The following DNAH12 variants were observed in gnomAD, a reference collection of about 807,000 sequenced individuals.
DNAH12 encodes the protein axonemal beta dynein heavy chain 12.
Under a neutral mutation model 371.5 loss-of-function variants are expected in DNAH12, and 285 were observed. The ratio of observed to expected loss-of-function variants is 0.77; its 90% CI spans 0.70 to 0.85. The LOEUF (loss-of-function observed/expected upper bound fraction) is 0.85, where lower values mean the gene tolerates loss of function less well. Ranked by LOEUF, DNAH12 falls within the 40% of genes least tolerant of loss-of-function variation. The pLI is 0.00. For synonymous variants in DNAH12, 1,200 were observed against 1,213.0 expected (o/e 0.99, Z 0.22); for missense variants, 3,611 against 3,689.4 (o/e 0.98, Z 0.55).
chr3:57,398,214 G>A (rs963258072), intron 43 of DNAH12, among the ~76,000 whole-genome samples: 81 of 152,128 alleles, frequency 5.3e-4, no homozygotes, highest in African/African-American at 1.7e-3. Context: ...AAAACAAGTC[G>A]TTGGAAATCA....
At position 57,489,509 on chromosome 3, in the gene DNAH12, C is replaced by G; in HGVS notation, c.1514G>C (p.Cys505Ser). ...IASKYRKENE[C>S]ICSEFEAIKE... ...GAGCTTGGGAATTAATTCTACTTACCATTCATTTTCTTTTCTATATTTTGA... is the reference window on the plus strand; with the variant it reads ...GAGCTTGGGAATTAATTCTACTTACGATTCATTTTCTTTTCTATATTTTGA... Residue 505 changes from cysteine (C) to serine (S), a missense_variant and splice_region_variant, in exon 12 of 74, where the codon TGT becomes TCT. Physicochemically the swap from Cys to Ser is moderately radical, Grantham distance 112. This residue lies in a region of DNAH12 where 1,314 missense variants were observed against 1,398.7 expected (regional missense o/e 0.94). Coordinates refer to ENST00000495027, the MANE Select transcript of DNAH12 (RefSeq NM_001366028.2). The G allele has an allele frequency of 3.3e-6, 5 of 1,497,788 alleles. No individual in the cohort carries two copies. In the Admixed American group the frequency reaches 8.1e-5, roughly 24 times the overall value. 92.8% of individuals were successfully genotyped at this position (1,497,788 alleles called of 1,614,324 possible).
At chr3:57,415,338 A>G in intron 38 of DNAH12, 88 bp downstream of exon 38, 1 of 1,453,450 alleles carries the variant, frequency 6.9e-7, no homozygotes, top group Non-Finnish European at 9.2e-7. Context: ...AGATTTACAC[A>G]GTTGCTTATT....
At chr3:57,531,157 T>C (rs1007032194) in intron 2 of DNAH12, among the ~76,000 whole-genome samples, 1 of 152,236 alleles carries the variant, frequency 6.6e-6, no homozygotes, top group Non-Finnish European at 1.5e-5. Context: ...ATTAACATCC[T>C]TTTCTTTCTG....
chr3:57,470,468 A>T lies in DNAH12; in HGVS notation c.2080T>A (p.Leu694Met). Reference protein sequence around the residue: ...EPYQKFFNFVLKWQRSEKRWM... With the variant: ...EPYQKFFNFVMKWQRSEKRWM... ...CGTTTTTCTGATCGCTGCCACTTCA[A>T]AACAAAATTAAAAAACTTCTGATAG... Residue 694 changes from leucine to methionine, a missense_variant, in exon 16 of 74, where the codon TTG becomes ATG. Physicochemically the swap from Leu to Met is conservative, Grantham distance 15 (BLOSUM62 2). Coordinates refer to ENST00000495027, the MANE Select transcript of DNAH12 (RefSeq NM_001366028.2). 1 of 1,531,378 alleles carries T rather than the reference A, an allele frequency of 6.5e-7. No homozygotes were observed. Among genetic ancestry groups the T allele is most frequent in the Non-Finnish European group, 8.8e-7 (1 of 1,140,246 alleles). 94.9% of individuals were successfully genotyped at this position (1,531,378 alleles called of 1,614,324 possible).
intron 43 of DNAH12, among the ~76,000 whole-genome samples, chr3:57,398,226 C>T (rs990739183): frequency 2.0e-5 from 3 of 151,754 alleles, no homozygotes; most frequent in Admixed American, 6.6e-5. Flanking sequence ...TGGAAATCAC[C>T]GGGTTAATGG....
Position 57,433,808 on chromosome 3 carries a change from G to A in DNAH12, c.4676C>T (p.Pro1559Leu), listed in dbSNP as rs2065026897. The A allele has an allele frequency of 6.5e-7, 1 of 1,545,540 alleles. No homozygotes were observed. Among genetic ancestry groups the A allele is most frequent in the African/African-American group, 1.4e-5 (1 of 72,824 alleles). ...CAGAACTTTTGTCTTAGCAGCAAAA[G>A]GCTCTCCTACTAACATAAAACTATG... ...VRHGFMLVGE[P>L]FAAKTKVLHV... The change falls in exon 31 of 74, where the codon CCT becomes CTT. Residue 1559 changes from proline (P) to leucine (L), a missense_variant. Pro to Leu is a moderately conservative substitution (Grantham distance 98, BLOSUM62 -3). Transcript: ENST00000495027.
At chr3:57,553,828 CTTT>C in the DNAH12 span, among the ~76,000 whole-genome samples, 1 of 142,214 alleles carries the variant, frequency 7.0e-6, no homozygotes, top group Non-Finnish European at 1.5e-5. Flanking sequence ...GAAGATATTT[CTTT>C]TTTTTTTTTT....
chr3:57,478,415 G>C (rs540440283), intron 13 of DNAH12, among the ~76,000 whole-genome samples: 3 of 152,134 alleles, frequency 2.0e-5, no homozygotes, highest in African/African-American at 4.8e-5. Flanking sequence ...CAAGAAATAT[G>C]GGACTATGTG....
chr3:57,365,864 T>C (rs958396599), intron 57 of DNAH12, among the ~76,000 whole-genome samples: 13 of 150,032 alleles, frequency 8.7e-5, no homozygotes, highest in South Asian at 2.1e-4. Context: ...TGTGTACACA[T>C]ATATATATAT....
At chr3:57,303,333 C>T (rs1197182333) in intron 69 of DNAH12, among the ~76,000 whole-genome samples, 1 of 128,892 alleles carries the variant, frequency 7.8e-6, no homozygotes, top group African/African-American at 3.1e-5. Context: ...AGCAAAGACG[C>T]CAGCTCAAAA....
Position 57,310,758 on chromosome 3 carries a change from G to A in DNAH12, c.10855C>T (p.Pro3619Ser), listed in dbSNP as rs2061566894. ...TAGTCCTCATAAGTGCCTTTAGGAG[G>A]TGCAAAATAGTTTCCACTGGGAGAA... ...KFSPSGNYFAPPKGTYEDYIE... is the reference protein window; with the variant it reads ...KFSPSGNYFASPKGTYEDYIE... The change falls in exon 67 of 74, where the codon CCT becomes TCT. Residue 3619 changes from proline (P) to serine (S), a missense_variant. This residue lies in a region of DNAH12 where 2,266 missense variants were observed against 2,236.9 expected (regional missense o/e 1.01). Transcript: ENST00000495027. 4 of 1,551,590 alleles carry A rather than the reference G, an allele frequency of 2.6e-6. No individual in the cohort carries two copies. The South Asian group carries it at 4.8e-5, about 18-fold the overall frequency.
At chr3:57,421,900 G>C (rs1448519915) in intron 35 of DNAH12, among the ~76,000 whole-genome samples, 194 bp from the exon 36 acceptor site, 1 of 97,718 alleles carries the variant, frequency 1.0e-5, no homozygotes, top group East Asian at 2.0e-4. Context: ...ATGTTTGCAT[G>C]TCTTTTTTTT....
At chr3:57,328,984 C>T (rs1179887566) in intron 62 of DNAH12, among the ~76,000 whole-genome samples, 5 of 142,644 alleles carry the variant, frequency 3.5e-5, no homozygotes, top group Non-Finnish European at 6.0e-5. Context: ...GAATAAAATA[C>T]CTAGGAATCC....
the DNAH12 span, among the ~76,000 whole-genome samples, chr3:57,551,164 C>A: frequency 1.3e-5 from 2 of 151,960 alleles, no homozygotes; most frequent in South Asian, 4.2e-4. Flanking sequence ...CCGTGCCCAG[C>A]CAAAACAAAA....
At chr3:57,407,544 T>C (rs1193794438) in intron 40 of DNAH12, among the ~76,000 whole-genome samples, 16 of 152,288 alleles carry the variant, frequency 1.1e-4, no homozygotes, top group Admixed American at 5.9e-4. Context: ...GATGGAAGGA[T>C]TCTAGGGAGT....
intron 11 of DNAH12, among the ~76,000 whole-genome samples, chr3:57,495,561 G>A (rs1437746072): frequency 7.1e-6 from 1 of 140,268 alleles, no homozygotes; most frequent in Non-Finnish European, 1.5e-5. Context: ...TCTAGCCTGG[G>A]CGACAAGAGT....
intron 65 of DNAH12, among the ~76,000 whole-genome samples, chr3:57,315,868 C>T (rs541324777): frequency 6.6e-6 from 1 of 152,220 alleles, no homozygotes. Flanking sequence ...GCGAAGAAGG[C>T]TCCTGTTGCA....
At chr3:57,317,795 T>G (rs2061718762) in intron 65 of DNAH12, among the ~76,000 whole-genome samples, 1 of 152,190 alleles carries the variant, frequency 6.6e-6, no homozygotes, top group Non-Finnish European at 1.5e-5. Flanking sequence ...CAACAGTGTA[T>G]GAGGGCTCCA....
chr3:57,459,222 G>A (rs1559683906), intron 20 of DNAH12, among the ~76,000 whole-genome samples: 1 of 152,182 alleles, frequency 6.6e-6, no homozygotes, highest in East Asian at 1.9e-4. Flanking sequence ...AATGTCAGGT[G>A]AGTCACCTAC....
Sources: allele counts gnomAD v4.1 joint callset (sites outside exome capture counted in the v4.1 genomes callset), GRCh38; gene constraint gnomAD v4.1.1; regional missense constraint gnomAD v4.1.1; transcripts MANE v1.5; gene names NCBI Gene and HGNC (gene_info 2026-07-23, HGNC 2026-07-21).